The following TUBGCP3 variants were observed in gnomAD, a reference collection of about 807,000 sequenced individuals.
TUBGCP3 encodes gamma-tubulin complex component 3.
In TUBGCP3, 50 loss-of-function variants were observed where a neutral mutation model predicts 123.1. The observed-to-expected ratio is 0.41, with a 90% CI of 0.32 to 0.51. The LOEUF is 0.51. TUBGCP3 is among the 20% of genes least tolerant of loss of function. The pLI, the probability that TUBGCP3 is intolerant of heterozygous loss-of-function variation, is 0.36. For synonymous variants in TUBGCP3, 405 were observed against 413.9 expected (o/e 0.98, Z 0.26); for missense variants, 882 against 1,127.0 (o/e 0.78, Z 3.11).
rs529113985 is a variant in TUBGCP3 at position 112,586,594 on chromosome 13, T to G, written c.76+1311A>C. On this transcript the variant is annotated intron_variant, in intron 1 of 21. Coordinates refer to ENST00000261965, the MANE Select transcript of TUBGCP3 (RefSeq NM_006322.6). ...GTTCAAATGGCCCTCCCTTACTCCA[T>G]TCAGGTCTCTTTAAATATCTCAGAG... Among the ~76,000 whole-genome samples the G allele has an allele frequency of 2.0e-5, 3 of 152,306 alleles. No homozygotes were observed. The South Asian group carries it at 6.2e-4, about 32-fold the overall frequency.
In TUBGCP3 at chr13:112,545,693, C is replaced by T. The variant is rs1476954837; in HGVS notation, c.1335+6G>A. 7 of 1,610,218 alleles carry T rather than the reference C, an allele frequency of 4.3e-6. No individual in the cohort carries two copies. The highest frequency in any genetic ancestry group is 5.9e-6 in the Non-Finnish European group (7 of 1,176,744). On this transcript the variant is annotated splice_donor_region_variant and intron_variant, in intron 11 of 21. Coordinates refer to ENST00000261965, the MANE Select transcript of TUBGCP3 (RefSeq NM_006322.6). This position sits in a 1 kb window ranked among gnomAD's most constrained non-coding sequence, Gnocchi z 4.1. ...CCAAGTCTCAGAACCGAACACCGATCCTTACTTCGTGGTAAGTGTCCTCAA... is the reference window on the plus strand; with the variant it reads ...CCAAGTCTCAGAACCGAACACCGATTCTTACTTCGTGGTAAGTGTCCTCAA...
rs1439123775 is a variant in TUBGCP3, at chr13:112,556,856, AT to A, written c.549-633del. ...GTTTTTTGAAAAATGTAAGAACCTC[AT>A]AGCTGATTTCTAATAGCGTCAGTTT... is the stretch of plus-strand genomic sequence containing the variant. On this transcript the variant is annotated intron_variant, in intron 5 of 21. Transcript: ENST00000261965. Among the ~76,000 whole-genome samples the A allele has an allele frequency of 3.9e-5, 6 of 152,366 alleles. No homozygotes were observed. In the East Asian group the frequency reaches 1.2e-3, roughly 29 times the overall value.
At chr13:112,584,953 G>A (rs1244276544) in intron 1 of TUBGCP3, among the ~76,000 whole-genome samples, 1 of 152,206 alleles carries the variant, frequency 6.6e-6, no homozygotes, top group Admixed American at 6.5e-5. Context: ...GTTATAAGTT[G>A]GAAAAGGTGG....
chr13:112,504,633 G>A lies in TUBGCP3; in HGVS notation c.2168C>T (p.Thr723Ile), dbSNP rs747505110. Residue 723 changes from threonine (T) to isoleucine (I), a missense_variant, in exon 18 of 22, where the codon ACA (threonine) becomes ATA (isoleucine). Thr to Ile is a moderately conservative substitution (Grantham distance 89). Around this residue, in one of 3 missense-constraint regions of TUBGCP3, gnomAD observed 9 missense variants for 32.7 expected, o/e 0.28. Coordinates refer to ENST00000261965, the MANE Select transcript of TUBGCP3 (RefSeq NM_006322.6). Reference sequence around the variant, plus strand: ...ACAATGACTGAAGTGTACCTCAAATGTGATGTAATACTGCATCTGATGAAT... The same window carrying A: ...ACAATGACTGAAGTGTACCTCAAATATGATGTAATACTGCATCTGATGAAT... ...HFIHQMQYYI[T>I]FEVLECSWDE... 5 of 1,613,176 alleles carry A rather than the reference G, an allele frequency of 3.1e-6. 1 individual carries two copies. In the South Asian group the frequency reaches 5.5e-5, roughly 18 times the overall value.
At chr13:112,520,051 A>G in intron 14 of TUBGCP3, 30 bp from the exon 15 acceptor site, 1 of 1,593,022 alleles carries the variant, frequency 6.3e-7, no homozygotes, top group Non-Finnish European at 8.6e-7. Context: ...ATTAAAGAAA[A>G]TATTACTTCA....
At chr13:112,570,415 A>C (rs917627250) in intron 1 of TUBGCP3, among the ~76,000 whole-genome samples, 1 of 152,246 alleles carries the variant, frequency 6.6e-6, no homozygotes, top group Non-Finnish European at 1.5e-5. Flanking sequence ...GAGTCACATG[A>C]AACTTTTTGT....
At chr13:112,504,293 G>A in intron 18 of TUBGCP3, 130 bp from the exon 19 acceptor site, 2 of 1,199,548 alleles carry the variant, frequency 1.7e-6, no homozygotes, top group Non-Finnish European at 2.3e-6. Context: ...TTAGAAACCA[G>A]CCTGGCCAAC....
At chr13:112,573,539 T>C (rs1043822951) in intron 1 of TUBGCP3, among the ~76,000 whole-genome samples, 3 of 152,084 alleles carry the variant, frequency 2.0e-5, no homozygotes, top group African/African-American at 7.2e-5. Context: ...AAATCCAGGC[T>C]CTCATCTCTG....
intron 20 of TUBGCP3, among the ~76,000 whole-genome samples, chr13:112,493,371 GTC>G (rs2139194288): frequency 6.8e-6 from 1 of 146,654 alleles, no homozygotes; most frequent in East Asian, 2.1e-4. Context: ...AGGGCCTGGT[GTC>G]CCTGAGACGC....
At chr13:112,558,846 G>A (rs9549542) in intron 4 of TUBGCP3, among the ~76,000 whole-genome samples, 23,981 of 152,096 alleles carry the variant, frequency 0.16, 2,153 homozygotes, top group East Asian at 0.21. Context: ...CACGTCTCTG[G>A]TGAGTACTTT....
intron 11 of TUBGCP3, among the ~76,000 whole-genome samples, chr13:112,541,465 C>T (rs577648839): frequency 4.4e-4 from 66 of 151,564 alleles, no homozygotes; most frequent in South Asian, 1.7e-3. Flanking sequence ...TTGCTTGAAC[C>T]CAGGAGGCAG....
At chr13:112,556,030 A>C (rs758112374) in intron 6 of TUBGCP3, 22 bp downstream of exon 6, 1 of 1,602,396 alleles carries the variant, frequency 6.2e-7, no homozygotes, top group Non-Finnish European at 8.5e-7. Context: ...GAAAAGCTGT[A>C]TTAACATAGA....
intron 13 of TUBGCP3, among the ~76,000 whole-genome samples, chr13:112,523,607 A>C (rs1323944563): frequency 6.6e-6 from 1 of 152,138 alleles, no homozygotes; most frequent in Non-Finnish European, 1.5e-5. Context: ...ACGTAGTTTT[A>C]ATGACATAAA....
At chr13:112,530,851 G>A (rs1467610446) in intron 11 of TUBGCP3, among the ~76,000 whole-genome samples, 1 of 152,120 alleles carries the variant, frequency 6.6e-6, no homozygotes, top group African/African-American at 2.4e-5. Flanking sequence ...GAATGTGTCT[G>A]GTCCTGACAG....
chr13:112,494,230 G>A (rs1880370170), intron 20 of TUBGCP3, among the ~76,000 whole-genome samples: 1 of 152,198 alleles, frequency 6.6e-6, no homozygotes, highest in African/African-American at 2.4e-5. Context: ...ACTTCCATTG[G>A]GCACTACACC....
intron 11 of TUBGCP3, among the ~76,000 whole-genome samples, chr13:112,534,241 A>G (rs1334645199): frequency 6.6e-6 from 1 of 152,166 alleles, no homozygotes; most frequent in Non-Finnish European, 1.5e-5. Flanking sequence ...TCATGCCCAT[A>G]TCAATCCACA....
chr13:112,510,086 G>A (rs908145297), intron 17 of TUBGCP3, among the ~76,000 whole-genome samples: 32 of 152,048 alleles, frequency 2.1e-4, no homozygotes, highest in African/African-American at 7.0e-4. Context: ...CTGCAGGGCC[G>A]ACGCCACACT....
intron 8 of TUBGCP3, among the ~76,000 whole-genome samples, chr13:112,550,253 T>G (rs1359812321): frequency 6.6e-6 from 1 of 152,170 alleles, no homozygotes; most frequent in Non-Finnish European, 1.5e-5. Context: ...AAAAATTTTT[T>G]TTAATTGTTT....
At chr13:112,574,423 C>A (rs560607982) in intron 1 of TUBGCP3, among the ~76,000 whole-genome samples, 2 of 152,106 alleles carry the variant, frequency 1.3e-5, no homozygotes, top group East Asian at 3.9e-4. Flanking sequence ...CAAGTGGGCA[C>A]TCTGAGCTCA....
Sources: allele counts gnomAD v4.1 joint callset (sites outside exome capture counted in the v4.1 genomes callset), GRCh38; gene constraint gnomAD v4.1.1; regional missense constraint gnomAD v4.1.1; non-coding constraint Gnocchi (gnomAD v3.1); transcripts MANE v1.5; gene names NCBI Gene and HGNC (gene_info 2026-07-23, HGNC 2026-07-21).